Variants in CRADD observed in about 807,000 individuals in gnomAD.
CRADD encodes death domain-containing protein CRADD.
A neutral mutation model predicts 15.5 loss-of-function variants in CRADD; 9 were observed. The ratio of observed to expected loss-of-function variants is 0.58; its 90% CI spans 0.35 to 1.01. The LOEUF (loss-of-function observed/expected upper bound fraction) is 1.01. Among genes scored for constraint, CRADD ranks in the 50% least tolerant of loss-of-function variants. The probability of loss-of-function intolerance (pLI) is 0.02; values close to 1 mark genes in which losing one functional copy is unlikely to be tolerated. For missense variants in CRADD, 227 were observed against 250.3 expected, an observed-to-expected ratio of 0.91 and a Z score of 0.63; for synonymous variants, 118 against 107.6, an observed-to-expected ratio of 1.10 and a Z score of -0.60.
intron 2 of CRADD, among the ~76,000 whole-genome samples, chr12:93,739,920 C>T (rs747816358): frequency 4.6e-5 from 7 of 152,128 alleles, no homozygotes; most frequent in African/African-American, 1.4e-4. Context: ...CAATCACCTT[C>T]TTTAATTATA....
At chr12:93,758,115 C>T (rs917362336) in intron 2 of CRADD, among the ~76,000 whole-genome samples, 2 of 152,224 alleles carry the variant, frequency 1.3e-5, no homozygotes, top group African/African-American at 4.8e-5. Context: ...AAGGAAATGT[C>T]AGTTAATCCT....
downstream of CRADD, among the ~76,000 whole-genome samples, chr12:93,851,425 A>T (rs903699799): frequency 1.4e-4 from 22 of 152,220 alleles, no homozygotes; most frequent in African/African-American, 5.3e-4. Context: ...CAAGTTACTT[A>T]CCCTCTCTAC....
intron 2 of CRADD, among the ~76,000 whole-genome samples, chr12:93,848,101 C>T (rs939175987): frequency 1.3e-5 from 2 of 151,476 alleles, no homozygotes; most frequent in East Asian, 1.9e-4. Flanking sequence ...AACACAATAG[C>T]GGGATATTGG....
chr12:93,811,603 A>T (rs1957627408), intron 2 of CRADD, among the ~76,000 whole-genome samples: 1 of 152,238 alleles, frequency 6.6e-6, no homozygotes, highest in Non-Finnish European at 1.5e-5. Context: ...CAAGTGATTT[A>T]ATCTCTTGAA....
At chr12:93,871,772 A>G (rs1958422087) in intron 2 of CRADD, among the ~76,000 whole-genome samples, 1 of 152,200 alleles carries the variant, frequency 6.6e-6, no homozygotes, top group Non-Finnish European at 1.5e-5. Flanking sequence ...ATAGTACTCC[A>G]TTATGTATAT....
At chr12:93,711,572 T>G (rs1281592059) in intron 2 of CRADD, among the ~76,000 whole-genome samples, 3 of 152,124 alleles carry the variant, frequency 2.0e-5, no homozygotes, top group Admixed American at 6.5e-5. Context: ...TCAGCCACAT[T>G]TTATTTCTTT....
chr12:93,803,223 G>GA (rs1483435511), intron 2 of CRADD, among the ~76,000 whole-genome samples: 1 of 152,134 alleles, frequency 6.6e-6, no homozygotes, highest in Non-Finnish European at 1.5e-5. Flanking sequence ...CTCGTCAATG[G>GA]AATATGAATA....
At chr12:93,711,770 T>C (rs1458560192) in intron 2 of CRADD, among the ~76,000 whole-genome samples, 2 of 129,292 alleles carry the variant, frequency 1.5e-5, no homozygotes, top group African/African-American at 2.8e-5. Context: ...TTTTTTTTTT[T>C]CTGGAGACAG....
chr12:93,821,231 T>TG (rs1009687485), intron 2 of CRADD, among the ~76,000 whole-genome samples: 2 of 152,254 alleles, frequency 1.3e-5, no homozygotes, highest in African/African-American at 4.8e-5. Context: ...TCCCCTGAGA[T>TG]GGGGCATGCC....
intron 2 of CRADD, among the ~76,000 whole-genome samples, chr12:93,801,698 C>T (rs770165086): frequency 6.6e-6 from 1 of 152,172 alleles, no homozygotes; most frequent in Non-Finnish European, 1.5e-5. Flanking sequence ...AGTGCCTGGC[C>T]TTTAAAAAAT....
At chr12:93,874,847 A>G (rs1958447500) in intron 2 of CRADD, among the ~76,000 whole-genome samples, 3 of 152,070 alleles carry the variant, frequency 2.0e-5, no homozygotes, top group Admixed American at 1.3e-4. Context: ...CATATGGCCT[A>G]TCCTTCAGAA....
intron 2 of CRADD, among the ~76,000 whole-genome samples, chr12:93,801,817 T>C (rs2136997638): frequency 6.6e-6 from 1 of 152,302 alleles, no homozygotes; most frequent in Non-Finnish European, 1.5e-5. Flanking sequence ...CAGGGTACAC[T>C]GTATCCAGTA....
rs1431834925 is a variant in CRADD at position 93,678,773 on chromosome 12, A to G, written c.-2A>G. On this transcript the variant is annotated 5_prime_UTR_variant, in exon 2 of 3. Transcript: ENST00000332896. ...TGTGATTTTGGCTCTTTCCAGGGAG[A>G]AATGGAGGCCAGAGACAAACAAGTA... 4 of 1,608,888 alleles carry G rather than the reference A, an allele frequency of 2.5e-6. No individual in the cohort carries two copies. In the Admixed American group the frequency reaches 6.7e-5, roughly 27 times the overall value.
intron 2 of CRADD, among the ~76,000 whole-genome samples, chr12:93,893,751 C>T (rs981907535): frequency 6.6e-6 from 1 of 151,932 alleles, no homozygotes; most frequent in Non-Finnish European, 1.5e-5. Context: ...ACTAACAATA[C>T]AAAAATTAGC....
chr12:93,694,827 G>T (rs1235925693), intron 2 of CRADD, among the ~76,000 whole-genome samples: 1 of 152,094 alleles, frequency 6.6e-6, no homozygotes, highest in Non-Finnish European at 1.5e-5. Context: ...ACAAATAAAT[G>T]GGAGGAAACC....
intron 2 of CRADD, among the ~76,000 whole-genome samples, chr12:93,840,005 A>G (rs1200021874): frequency 6.6e-6 from 1 of 152,172 alleles, no homozygotes; most frequent in Non-Finnish European, 1.5e-5. Context: ...TTATAGTTTT[A>G]CCTTTTACCT....
intron 2 of CRADD, among the ~76,000 whole-genome samples, chr12:93,768,625 C>T (rs1248720959): frequency 1.3e-5 from 2 of 151,934 alleles, no homozygotes; most frequent in Non-Finnish European, 1.5e-5. Flanking sequence ...TGCTAAGCAG[C>T]TTTTTTCATG....
chr12:93,880,853 A>G (rs1181063273), intron 2 of CRADD, among the ~76,000 whole-genome samples: 2 of 152,222 alleles, frequency 1.3e-5, no homozygotes. Flanking sequence ...ACCTTTGTTG[A>G]TAAGTTCCTT....
chr12:93,719,782 A>G (rs1956226849), intron 2 of CRADD, among the ~76,000 whole-genome samples: 2 of 152,020 alleles, frequency 1.3e-5, no homozygotes, highest in South Asian at 4.1e-4. Context: ...ATCTGTAATG[A>G]TGTTCTCTTT....
Sources: gnomAD v4.1 joint callset for allele counts (sites outside exome capture counted in the v4.1 genomes callset) on GRCh38, gnomAD v4.1.1 for gene constraint, MANE v1.5 for transcripts, NCBI Gene and HGNC (gene_info 2026-07-23, HGNC 2026-07-21) for gene names.